Variants in BRCA2 observed in about 807,000 individuals in gnomAD.
The protein encoded by BRCA2 is BRCA2 DNA repair associated.
A neutral mutation model predicts 276.7 loss-of-function variants in BRCA2; 203 were observed. The observed-to-expected ratio is 0.73, with a 90% CI of 0.65 to 0.82. The LOEUF (loss-of-function observed/expected upper bound fraction) is 0.82. Ranked by LOEUF, BRCA2 falls within the 40% of genes least tolerant of loss-of-function variation. BRCA2 has a pLI of 0.00. For missense variants in BRCA2, 3,920 were observed against 3,915.0 expected (o/e 1.00, Z -0.03); for synonymous variants, 1,289 against 1,338.4 (o/e 0.96, Z 0.81).
chr13:32,325,038 A>AGTAT (rs1464222300), intron 3 of BRCA2, 38 bp from the exon 4 acceptor site: 1 of 1,355,608 alleles, frequency 7.4e-7, no homozygotes, highest in African/African-American at 1.4e-5. Context: ...TATAATCCAG[A>AGTAT]GTATATACAT....
chr13:32,398,411 C>A lies in BRCA2; in HGVS notation c.9898C>A (p.Pro3300Thr), dbSNP rs770868371. 2 of 1,614,036 alleles carry A rather than the reference C, an allele frequency of 1.2e-6. No homozygotes were observed. The highest frequency in any genetic ancestry group is 2.7e-5 in the African/African-American group (2 of 74,906). ...TCCGGCTGCACAGAAGGCATTTCAG[C>A]CACCAAGGAGTTGTGGCACCAAATA... The part of the protein sequence containing the change: ...VSPAAQKAFQ[P>T]PRSCGTKYET... Residue 3300 changes from proline to threonine, a missense_variant, in exon 27 of 27, where the codon CCA (proline) becomes ACA (threonine). This residue lies in a region of BRCA2 where 657 missense variants were observed against 758.2 expected (regional missense o/e 0.87). Coordinates refer to ENST00000380152, the MANE Select transcript of BRCA2 (RefSeq NM_000059.4).
In BRCA2 at chr13:32,336,373, A is replaced by G. The variant is rs1193025774; in HGVS notation, c.2018A>G (p.Asn673Ser). The change falls in exon 11 of 27, where the codon AAT (asparagine) becomes AGT (serine). Residue 673 changes from asparagine to serine, a missense_variant. Coordinates refer to ENST00000380152, the MANE Select transcript of BRCA2 (RefSeq NM_000059.4). ...FGTILRKCSR[N>S]ETCSNNTVIS... Reference sequence around the variant, plus strand: ...ACAATTCTGAGGAAATGTTCTAGAAATGAAACATGTTCTAATAATACAGTA... The same window carrying G: ...ACAATTCTGAGGAAATGTTCTAGAAGTGAAACATGTTCTAATAATACAGTA... 1 of 1,610,724 alleles carries G rather than the reference A, an allele frequency of 6.2e-7. No individual in the cohort carries two copies. The highest frequency in any genetic ancestry group is 8.5e-7 in the Non-Finnish European group (1 of 1,178,698).
At chr13:32,380,657 C>T (rs1566253888) in intron 24 of BRCA2, among the ~76,000 whole-genome samples, 3 of 151,266 alleles carry the variant, frequency 2.0e-5, no homozygotes, top group Admixed American at 6.6e-5. Flanking sequence ...TCTCCTGCCT[C>T]AGCCTCCCGA....
At chr13:32,369,556 G>T (rs917817755) in intron 18 of BRCA2, among the ~76,000 whole-genome samples, 2 of 152,120 alleles carry the variant, frequency 1.3e-5, no homozygotes, top group Non-Finnish European at 2.9e-5. Flanking sequence ...TGAGTCTTCA[G>T]ATTATTGTGA....
At chr13:32,327,672 C>CA (rs760842499) in intron 7 of BRCA2, among the ~76,000 whole-genome samples, 2,282 of 119,904 alleles carry the variant, frequency 0.019, 29 homozygotes, top group Non-Finnish European at 0.021. Context: ...GACTCTGTCT[C>CA]AAAAAAAAAA....
chr13:32,367,131 A>T (rs1476028455), intron 18 of BRCA2, among the ~76,000 whole-genome samples: 1 of 152,010 alleles, frequency 6.6e-6, no homozygotes, highest in Non-Finnish European at 1.5e-5. Flanking sequence ...AAATAATTTG[A>T]GCATCAGAAA....
At chr13:32,356,217 T>G (rs752471657) in intron 14 of BRCA2, among the ~76,000 whole-genome samples, 2 of 150,968 alleles carry the variant, frequency 1.3e-5, no homozygotes, top group Admixed American at 6.6e-5. Context: ...TACTTTTGTG[T>G]TTTTTTTACT....
rs45484897 is a variant in BRCA2 at position 32,339,332 on chromosome 13, C to T, written c.4977C>T (p.Ser1659=). 1.4e-4 allele frequency: 230 copies of T among 1,594,268 alleles called. No homozygotes were observed. Among genetic ancestry groups the T allele is most frequent in the Non-Finnish European group, 1.9e-4 (223 of 1,172,160 alleles). Residue 1659 remains serine, a synonymous_variant, in exon 11 of 27, where the codon TCC becomes TCT. Coordinates refer to ENST00000380152, the MANE Select transcript of BRCA2 (RefSeq NM_000059.4). The part of the protein sequence containing the change: ...KSPATCYTNQ[S]PYSVIENSAL... ...CTGCAACTTGTTACACAAATCAGTC[C>T]CCTTATTCAGTCATTGAAAATTCAG...
At chr13:32,395,511 G>A (rs1203671220) in intron 25 of BRCA2, among the ~76,000 whole-genome samples, 1 of 152,240 alleles carries the variant, frequency 6.6e-6, no homozygotes, top group East Asian at 1.9e-4. Flanking sequence ...TTATGAGGTA[G>A]GGAACTGTTT....
rs1226494009 is a variant in BRCA2, at chr13:32,321,152, G to A, written c.316+1827G>A. ...CTAGATATGGAGGATTCAAAAAAAG[G>A]AACAAATGACAGGGCAAAGCATATG... On this transcript the variant is annotated intron_variant, in intron 3 of 26. Transcript: ENST00000380152. Among the ~76,000 whole-genome samples, 5 of 152,108 alleles carry A rather than the reference G, an allele frequency of 3.3e-5. No individual in the cohort carries two copies. In the East Asian group the frequency reaches 9.6e-4, roughly 29 times the overall value.
At chr13:32,347,683 C>T (rs541961385) in intron 13 of BRCA2, among the ~76,000 whole-genome samples, 31 of 152,294 alleles carry the variant, frequency 2.0e-4, no homozygotes, top group African/African-American at 7.2e-4. Context: ...GACCTAGCTC[C>T]TTCCCACACT....
At position 32,377,238 on chromosome 13, in the gene BRCA2, T is replaced by A. The variant is rs371845769; in HGVS notation, c.8754+447T>A. Reference sequence around the variant, plus strand: ...GAAATGTTTCCGAAGCACTAAACTGTTAGAAGTAGCATAGGCTTTAGAATC... The same window carrying A: ...GAAATGTTTCCGAAGCACTAAACTGATAGAAGTAGCATAGGCTTTAGAATC... On this transcript the variant is annotated intron_variant, in intron 21 of 26. Transcript: ENST00000380152. Among the ~76,000 whole-genome samples, 3 of 152,306 alleles carry A rather than the reference T, an allele frequency of 2.0e-5. No homozygotes were observed. The East Asian group carries it at 5.8e-4, about 29-fold the overall frequency.
intron 18 of BRCA2, among the ~76,000 whole-genome samples, chr13:32,365,721 C>CTTTTTTTTTTTTT (rs36116910): frequency 9.4e-6 from 1 of 105,882 alleles, no homozygotes; most frequent in African/African-American, 3.6e-5. Flanking sequence ...ACTTTGGTGT[C>CTTTTTTTTTTTTT]TTTTTTTTTT....
At position 32,357,737 on chromosome 13, in the gene BRCA2, T is replaced by G; in HGVS notation, c.7618-5T>G. On this transcript the variant is annotated splice_polypyrimidine_tract_variant and splice_region_variant and intron_variant, in intron 15 of 26. Coordinates refer to ENST00000380152, the MANE Select transcript of BRCA2 (RefSeq NM_000059.4). ...TTCTTTTTTGTGTGTGTTTATTTTG[T>G]GTAGCTGTATACGTATGGCGTTTCT... 1 of 1,609,490 alleles carries G rather than the reference T, an allele frequency of 6.2e-7. No individual in the cohort carries two copies.
At position 32,362,678 on chromosome 13, in the gene BRCA2, T is replaced by C. The variant is rs80359023; in HGVS notation, c.7961T>C (p.Leu2654Pro). The change falls in exon 17 of 27, where the codon CTT becomes CCT. Residue 2654 changes from leucine (L) to proline (P), a missense_variant. By Grantham distance (98) the Leu-to-Pro change is moderately conservative (BLOSUM62 -3). This residue lies in a region of BRCA2 where 3,263 missense variants were observed against 3,156.9 expected (regional missense o/e 1.03). Coordinates refer to ENST00000380152, the MANE Select transcript of BRCA2 (RefSeq NM_000059.4). ...NRCLSPERVL[L>P]QLKYRYDTEI... Reference sequence around the variant, plus strand: ...TGCCTAAGCCCAGAAAGGGTGCTTCTTCAACTAAAATACAGGCAAGTTTAA... The same window carrying C: ...TGCCTAAGCCCAGAAAGGGTGCTTCCTCAACTAAAATACAGGCAAGTTTAA... 3 of 1,614,066 alleles carry C rather than the reference T, an allele frequency of 1.9e-6. No homozygotes were observed. The highest frequency in any genetic ancestry group is 2.7e-5 in the African/African-American group (2 of 74,936).
intron 24 of BRCA2, among the ~76,000 whole-genome samples, chr13:32,383,784 T>G (rs565088784): frequency 3.9e-4 from 59 of 151,356 alleles, no homozygotes; most frequent in African/African-American, 1.1e-3. Context: ...TTAGAGGGAG[T>G]GAACTGGGCA....
chr13:32,375,845 C>T (rs892449408), intron 20 of BRCA2, among the ~76,000 whole-genome samples: 1 of 152,136 alleles, frequency 6.6e-6, no homozygotes, highest in Non-Finnish European at 1.5e-5. Flanking sequence ...CAGGTGTAAG[C>T]CACCGTACCC....
At chr13:32,324,351 A>G (rs1331454081) in intron 3 of BRCA2, among the ~76,000 whole-genome samples, 2 of 152,228 alleles carry the variant, frequency 1.3e-5, no homozygotes, top group Admixed American at 6.5e-5. Flanking sequence ...TAAAGAAAAC[A>G]TTCTTTCAGG....
In BRCA2 at chr13:32,319,230, T is replaced by C. The variant is rs1566215918; in HGVS notation, c.221T>C (p.Leu74Pro). The C allele has an allele frequency of 1.2e-6, 2 of 1,613,690 alleles. No individual in the cohort carries two copies. Among genetic ancestry groups the C allele is most frequent in the Admixed American group, 1.7e-5 (1 of 60,018 alleles). ...CAAAGGAAACCATCTTATAATCAGCTGGCTTCAACTCCAATAATATTCAAA... is the reference window on the plus strand; with the variant it reads ...CAAAGGAAACCATCTTATAATCAGCCGGCTTCAACTCCAATAATATTCAAA... ...TPQRKPSYNQLASTPIIFKEQ... is the reference protein window; with the variant it reads ...TPQRKPSYNQPASTPIIFKEQ... Residue 74 changes from leucine (L) to proline (P), a missense_variant, in exon 3 of 27, where the codon CTG becomes CCG. By Grantham distance (98) the Leu-to-Pro change is moderately conservative. Coordinates refer to ENST00000380152, the MANE Select transcript of BRCA2 (RefSeq NM_000059.4).
Sources: allele counts gnomAD v4.1 joint callset (sites outside exome capture counted in the v4.1 genomes callset), GRCh38; gene constraint gnomAD v4.1.1; regional missense constraint gnomAD v4.1.1; transcripts MANE v1.5; gene names NCBI Gene and HGNC (gene_info 2026-07-23, HGNC 2026-07-21).